The following CSMD1 variants were observed in gnomAD, a reference collection of about 807,000 sequenced individuals.
CSMD1 encodes CUB and sushi domain-containing protein 1.
Under a neutral mutation model 417.5 loss-of-function variants are expected in CSMD1, and 213 were observed. That is an observed-to-expected ratio of 0.51 (90% CI 0.46 to 0.57). The LOEUF (loss-of-function observed/expected upper bound fraction) is 0.57, where lower values mean the gene tolerates loss of function less well. Among genes scored for constraint, CSMD1 ranks in the 20% least tolerant of loss-of-function variants. The pLI is 0.00. For missense variants in CSMD1, 6,923 were observed against 4,529.7 expected (o/e 1.53, Z -15.17); for synonymous variants, 2,862 against 1,736.8 (o/e 1.65, Z -16.11).
At chr8:4,009,577 T>G (rs1477088081) in intron 4 of CSMD1, among the ~76,000 whole-genome samples, 6 of 152,238 alleles carry the variant, frequency 3.9e-5, no homozygotes, top group East Asian at 1.9e-4. Flanking sequence ...CAGTTGGATG[T>G]GTAATTCCAA....
At chr8:4,984,824 G>C (rs182730642) in intron 1 of CSMD1, among the ~76,000 whole-genome samples, 26 of 152,254 alleles carry the variant, frequency 1.7e-4, no homozygotes, top group Admixed American at 1.7e-3. Context: ...GGGCTGACCT[G>C]TTCTAACTGG....
chr8:4,312,022 A>T (rs1017722701), intron 3 of CSMD1, among the ~76,000 whole-genome samples: 3 of 152,184 alleles, frequency 2.0e-5, no homozygotes, highest in Non-Finnish European at 2.9e-5. Context: ...CTATGAAATT[A>T]TTATAGTGTG....
intron 2 of CSMD1, among the ~76,000 whole-genome samples, chr8:4,538,908 G>A (rs551977999): frequency 8.2e-4 from 125 of 152,044 alleles, no homozygotes; most frequent in Non-Finnish European, 1.6e-3. Flanking sequence ...TGGAATCTTT[G>A]AATCTAAAAG....
chr8:4,875,820 G>C (rs778116233), intron 1 of CSMD1, among the ~76,000 whole-genome samples: 1 of 151,534 alleles, frequency 6.6e-6, no homozygotes, highest in African/African-American at 2.4e-5. Flanking sequence ...AACACACAGA[G>C]ACAGACACAC....
intron 2 of CSMD1, among the ~76,000 whole-genome samples, chr8:4,563,316 G>A (rs962188694): frequency 7.2e-5 from 11 of 152,178 alleles, no homozygotes; most frequent in Non-Finnish European, 1.5e-4. Context: ...CAGGAGAATG[G>A]CGTGAACCCA....
chr8:3,548,898 C>T (rs76209574), intron 10 of CSMD1, among the ~76,000 whole-genome samples: 11,276 of 152,160 alleles, frequency 0.074, 584 homozygotes, highest in African/African-American at 0.15. Context: ...CACATCCTCC[C>T]CTTCTCACCT....
intron 2 of CSMD1, among the ~76,000 whole-genome samples, chr8:4,631,379 T>A (rs1183734685): frequency 6.7e-6 from 1 of 148,812 alleles, no homozygotes; most frequent in Non-Finnish European, 1.5e-5. Flanking sequence ...TAAAATAAAA[T>A]AAAATGATAC....
chr8:4,426,236 C>G (rs1362501278), intron 2 of CSMD1, among the ~76,000 whole-genome samples: 1 of 151,670 alleles, frequency 6.6e-6, no homozygotes, highest in Non-Finnish European at 1.5e-5. Flanking sequence ...GACAAGTTTT[C>G]CAGTAAAATA....
At chr8:4,665,237 C>T (rs1293199877) in intron 1 of CSMD1, among the ~76,000 whole-genome samples, 1 of 152,158 alleles carries the variant, frequency 6.6e-6, no homozygotes. Flanking sequence ...ACCTTCCTCT[C>T]CTTCACTTTC....
intron 1 of CSMD1, among the ~76,000 whole-genome samples, chr8:4,874,835 G>A (rs917422634): frequency 6.7e-6 from 1 of 148,462 alleles, no homozygotes; most frequent in Non-Finnish European, 1.5e-5. Context: ...CTTAATTCTG[G>A]TTTATATATA....
At chr8:4,398,555 G>T (rs1007141762) in intron 3 of CSMD1, among the ~76,000 whole-genome samples, 1 of 151,560 alleles carries the variant, frequency 6.6e-6, no homozygotes, top group East Asian at 2.0e-4. Flanking sequence ...CACCATGCCC[G>T]GCCAAATTTT....
intron 12 of CSMD1, among the ~76,000 whole-genome samples, chr8:3,435,541 C>T (rs540532786): frequency 3.9e-5 from 6 of 152,256 alleles, no homozygotes; most frequent in South Asian, 2.1e-4. Context: ...TCCACCTCTC[C>T]GCCTGCATGG....
chr8:4,116,136 G>A (rs1367814827), intron 3 of CSMD1, among the ~76,000 whole-genome samples: 1 of 151,840 alleles, frequency 6.6e-6, no homozygotes, highest in Non-Finnish European at 1.5e-5. Context: ...GGGATTTACA[G>A]GCGCGTACCA....
intron 3 of CSMD1, among the ~76,000 whole-genome samples, chr8:4,205,087 A>G (rs973043588): frequency 2.0e-5 from 3 of 152,188 alleles, no homozygotes; most frequent in African/African-American, 7.2e-5. Flanking sequence ...GTAAACATCA[A>G]ATGCTTTAAA....
chr8:4,682,177 C>G (rs4588878), intron 1 of CSMD1, among the ~76,000 whole-genome samples: 111,026 of 151,828 alleles, frequency 0.73, 41,778 homozygotes, highest in African/African-American at 0.91. Flanking sequence ...CAGGCACACA[C>G]CACCATGCCT....
chr8:4,829,427 C>T (rs1800013000), intron 1 of CSMD1, among the ~76,000 whole-genome samples: 1 of 152,120 alleles, frequency 6.6e-6, no homozygotes, highest in Non-Finnish European at 1.5e-5. Flanking sequence ...TACTGCTGAA[C>T]ATCTCAACTC....
chr8:4,814,196 T>TGTG (rs566112254), intron 1 of CSMD1, among the ~76,000 whole-genome samples: 77 of 149,808 alleles, frequency 5.1e-4, no homozygotes, highest in African/African-American at 1.8e-3. Flanking sequence ...CAGAATGATT[T>TGTG]TGTGTGTGTG....
chr8:4,780,148 T>C (rs1797078154), intron 1 of CSMD1, among the ~76,000 whole-genome samples: 1 of 152,216 alleles, frequency 6.6e-6, no homozygotes, highest in Admixed American at 6.5e-5. Flanking sequence ...GTGCCATAAT[T>C]GGCCAGACCT....
At chr8:4,958,801 G>T (rs996854425) in intron 1 of CSMD1, among the ~76,000 whole-genome samples, 3 of 152,110 alleles carry the variant, frequency 2.0e-5, no homozygotes, top group Non-Finnish European at 4.4e-5. Flanking sequence ...CTTTCATGAA[G>T]AAAATATATC....
Sources: gnomAD v4.1 joint callset for allele counts (sites outside exome capture counted in the v4.1 genomes callset) on GRCh38, gnomAD v4.1.1 for gene constraint, MANE v1.5 for transcripts, NCBI Gene and HGNC (gene_info 2026-07-23, HGNC 2026-07-21) for gene names.